The following HHAT variants were observed in gnomAD, a reference collection of about 807,000 sequenced individuals.
HHAT encodes the protein protein-cysteine N-palmitoyltransferase HHAT.
Under a neutral mutation model 70.8 loss-of-function variants are expected in HHAT, and 47 were observed. The observed-to-expected ratio is 0.66, with a 90% CI of 0.53 to 0.85. The LOEUF (loss-of-function observed/expected upper bound fraction) is 0.85. Ranked by LOEUF, HHAT falls within the 40% of genes least tolerant of loss-of-function variation. The pLI is 0.00. For missense variants in HHAT, 609 were observed against 604.8 expected (o/e 1.01, Z -0.07); for synonymous variants, 228 against 247.6 (o/e 0.92, Z 0.74).
chr1:210,455,456 C>T (rs1572565159), intron 7 of HHAT, among the ~76,000 whole-genome samples: 1 of 152,010 alleles, frequency 6.6e-6, no homozygotes, highest in Non-Finnish European at 1.5e-5. Flanking sequence ...TTCTTTGTTT[C>T]CTGCTTGAAA....
At chr1:210,446,012 C>T (rs1450062851) in intron 7 of HHAT, among the ~76,000 whole-genome samples, 1 of 152,186 alleles carries the variant, frequency 6.6e-6, no homozygotes, top group Non-Finnish European at 1.5e-5. Context: ...TCTCCTAATG[C>T]TATCCCTCCC....
intron 9 of HHAT, among the ~76,000 whole-genome samples, chr1:210,577,594 A>C (rs1658126017): frequency 1.5e-5 from 2 of 136,720 alleles, no homozygotes; most frequent in Non-Finnish European, 3.1e-5. Context: ...TATTTTGTTG[A>C]ATGTTCTTGC....
At chr1:210,605,480 G>C (rs930571308) in intron 10 of HHAT, among the ~76,000 whole-genome samples, 1 of 152,158 alleles carries the variant, frequency 6.6e-6, no homozygotes, top group East Asian at 1.9e-4. Context: ...CATGGGTTTC[G>C]ATTGTGTCTC....
intron 8 of HHAT, among the ~76,000 whole-genome samples, chr1:210,508,426 T>C (rs1239683486): frequency 1.3e-5 from 2 of 152,140 alleles, no homozygotes; most frequent in Non-Finnish European, 2.9e-5. Context: ...AATAAAATTA[T>C]TAAGTAATGA....
intron 9 of HHAT, among the ~76,000 whole-genome samples, chr1:210,513,992 C>A (rs1481935914): frequency 6.6e-6 from 1 of 152,146 alleles, no homozygotes; most frequent in African/African-American, 2.4e-5. Context: ...TGACTAATAG[C>A]CTGATAATGA....
chr1:210,576,289 A>C (rs1264216173), intron 9 of HHAT, among the ~76,000 whole-genome samples: 1 of 152,126 alleles, frequency 6.6e-6, no homozygotes, highest in Non-Finnish European at 1.5e-5. Flanking sequence ...GCTTTATTGG[A>C]GTGTAACTGA....
chr1:210,555,060 G>A (rs1002947774), intron 9 of HHAT, among the ~76,000 whole-genome samples: 1 of 152,170 alleles, frequency 6.6e-6, no homozygotes, highest in Admixed American at 6.5e-5. Flanking sequence ...TTGAACTTAA[G>A]TGGGATATTT....
At chr1:210,401,511 G>A (rs1027996272) in intron 5 of HHAT, among the ~76,000 whole-genome samples, 4 of 152,196 alleles carry the variant, frequency 2.6e-5, no homozygotes, top group Non-Finnish European at 5.9e-5. Flanking sequence ...CACAGACCAA[G>A]CTTTCATTTC....
At chr1:210,643,364 T>C (rs956115626) in intron 11 of HHAT, among the ~76,000 whole-genome samples, 7 of 152,264 alleles carry the variant, frequency 4.6e-5, no homozygotes, top group Non-Finnish European at 7.3e-5. Context: ...TTGTTAAGAA[T>C]TGACATCTCT....
intron 8 of HHAT, among the ~76,000 whole-genome samples, chr1:210,473,017 C>T (rs987815549): frequency 5.3e-5 from 8 of 152,140 alleles, no homozygotes; most frequent in Middle Eastern, 3.2e-3. Context: ...AATATATCCT[C>T]TTCAGACCTT....
intron 8 of HHAT, among the ~76,000 whole-genome samples, chr1:210,497,922 C>T (rs1247095078): frequency 3.3e-5 from 5 of 152,042 alleles, no homozygotes; most frequent in African/African-American, 4.8e-5. Flanking sequence ...TGCACCATCA[C>T]GCCCAGCTAA....
In HHAT at chr1:210,675,680, C is replaced by T. The variant is rs1215215314; in HGVS notation, c.*1301C>T. ...GGTTATCATCTCAATGAGGCTTTAG[C>T]TCCTAGAGTACAGGACCATTTTGTT... On this transcript the variant is annotated 3_prime_UTR_variant, in exon 12 of 12. Transcript: ENST00000261458. The T allele has an allele frequency of 1.3e-5, 2 of 152,144 alleles. No individual in the cohort carries two copies. The highest frequency in any genetic ancestry group is 4.8e-5 in the African/African-American group (2 of 41,424). The allele number at this position is 152,144 out of a possible 1,614,324, so 9.4% of individuals were successfully genotyped here. A position where few individuals can be genotyped will look rare whatever the true frequency, so the allele number is the denominator to read the frequency against.
chr1:210,552,008 T>A (rs1383124546), intron 9 of HHAT, among the ~76,000 whole-genome samples: 1 of 152,226 alleles, frequency 6.6e-6, no homozygotes, highest in Non-Finnish European at 1.5e-5. Flanking sequence ...GAGTTGAGTT[T>A]CCTTTCTTTG....
chr1:210,593,806 C>T (rs1662306497), intron 10 of HHAT, among the ~76,000 whole-genome samples: 1 of 152,020 alleles, frequency 6.6e-6, no homozygotes, highest in Non-Finnish European at 1.5e-5. Flanking sequence ...CTCTCTTTAG[C>T]TCTAATAATA....
intron 10 of HHAT, chr1:210,589,917 A>G (rs954553072): frequency 1.3e-5 from 2 of 152,128 alleles, no homozygotes; most frequent in African/African-American, 2.4e-5. Context: ...TTTTTGGCAA[A>G]ATATTTGTCT....
rs114042869 is a variant in HHAT at position 210,514,202 on chromosome 1, C to T, written c.1043+1014C>T. 8.4e-3 allele frequency among the ~76,000 whole-genome samples: 1,272 copies of T among 152,310 alleles called. 18 individuals are homozygous for T. Among genetic ancestry groups the T allele is most frequent in the African/African-American group, 0.028 (1,180 of 41,580 alleles). On this transcript the variant is annotated intron_variant, in intron 9 of 11. Coordinates refer to ENST00000261458, the MANE Select transcript of HHAT (RefSeq NM_018194.6). Reference sequence around the variant, plus strand: ...CCGAGTGAGGCCATGCATACCTTGTCCTCTTTGACCTCTTTTCCAAGGCTC... The same window carrying T: ...CCGAGTGAGGCCATGCATACCTTGTTCTCTTTGACCTCTTTTCCAAGGCTC...
chr1:210,569,236 C>T (rs1655535054), intron 9 of HHAT, among the ~76,000 whole-genome samples: 1 of 151,650 alleles, frequency 6.6e-6, no homozygotes, highest in Non-Finnish European at 1.5e-5. Flanking sequence ...TAGCCGGGTG[C>T]AGTGGCGGGC....
In HHAT at chr1:210,657,846, A is replaced by G. The variant is rs560394209; in HGVS notation, c.1391-16442A>G. Reference sequence around the variant, plus strand: ...GATGCCTCTTCTCCCAGGCACTTCCACAAGTGTAGAGGATGCCTAGACTGT... The same window carrying G: ...GATGCCTCTTCTCCCAGGCACTTCCGCAAGTGTAGAGGATGCCTAGACTGT... On this transcript the variant is annotated intron_variant, in intron 11 of 11. Coordinates refer to ENST00000261458, the MANE Select transcript of HHAT (RefSeq NM_018194.6). Among the ~76,000 whole-genome samples, 6 of 152,262 alleles carry G rather than the reference A, an allele frequency of 3.9e-5. No individual in the cohort carries two copies. The South Asian group carries it at 6.2e-4, about 16-fold the overall frequency.
intron 4 of HHAT, among the ~76,000 whole-genome samples, chr1:210,394,101 G>A (rs1173976846): frequency 1.3e-5 from 2 of 152,102 alleles, no homozygotes; most frequent in Non-Finnish European, 2.9e-5. Flanking sequence ...TGCTGTTGTA[G>A]CCTTAAGCCC....
Sources: allele counts gnomAD v4.1 joint callset (sites outside exome capture counted in the v4.1 genomes callset), GRCh38; gene constraint gnomAD v4.1.1; transcripts MANE v1.5; gene names NCBI Gene and HGNC (gene_info 2026-07-23, HGNC 2026-07-21).